Variants in PTPRG observed in about 807,000 individuals in gnomAD.
PTPRG encodes receptor-type tyrosine-protein phosphatase gamma.
In PTPRG, 102 loss-of-function variants were observed where a neutral mutation model predicts 165.3. The ratio of observed to expected loss-of-function variants is 0.62; its 90% CI spans 0.53 to 0.73. The LOEUF is 0.73. PTPRG is among the 30% of genes least tolerant of loss of function. The pLI is 0.00. For synonymous variants in PTPRG, 675 were observed against 669.5 expected, an observed-to-expected ratio of 1.01 and a Z score of -0.13; for missense variants, 1,866 against 1,861.4, an observed-to-expected ratio of 1.00 and a Z score of -0.05.
chr3:61,716,026 G>GGT (rs1376241194), intron 1 of PTPRG, among the ~76,000 whole-genome samples: 1 of 152,142 alleles, frequency 6.6e-6, no homozygotes, highest in Non-Finnish European at 1.5e-5. Context: ...GGTCTCCTGT[G>GGT]GTGAGGGTGC....
intron 6 of PTPRG, among the ~76,000 whole-genome samples, chr3:62,149,678 A>G (rs1218853793): frequency 6.6e-6 from 1 of 152,134 alleles, no homozygotes; most frequent in Non-Finnish European, 1.5e-5. Flanking sequence ...TGTGTTTGGC[A>G]GGCCCTCCTG....
At chr3:61,988,707 C>T (rs1192147022) in intron 2 of PTPRG, among the ~76,000 whole-genome samples, 1 of 152,134 alleles carries the variant, frequency 6.6e-6, no homozygotes, top group Non-Finnish European at 1.5e-5. Flanking sequence ...CAGTCTTAAT[C>T]TTTCCAGTAA....
chr3:61,703,154 T>C (rs1253930685), intron 1 of PTPRG, among the ~76,000 whole-genome samples: 1 of 152,142 alleles, frequency 6.6e-6, no homozygotes, highest in Non-Finnish European at 1.5e-5. Context: ...GAATCTTTTT[T>C]TTTTTTTTCC....
Position 62,132,585 on chromosome 3 carries a change from G to A in PTPRG, c.616-17G>A, listed in dbSNP as rs1473498852. The A allele has an allele frequency of 1.9e-6, 3 of 1,582,352 alleles. No individual in the cohort carries two copies. The highest frequency in any genetic ancestry group is 2.2e-5 in the East Asian group (1 of 44,714). Reference sequence around the variant, plus strand: ...TGCCAGAATAGATTTAACCAATCATGTTTCCTTTACATTTAGGTCAGTCCG... The same window carrying A: ...TGCCAGAATAGATTTAACCAATCATATTTCCTTTACATTTAGGTCAGTCCG... On this transcript the variant is annotated splice_polypyrimidine_tract_variant and intron_variant, in intron 5 of 29. Transcript: ENST00000474889.
intron 4 of PTPRG, among the ~76,000 whole-genome samples, chr3:62,066,066 T>C (rs1021429157): frequency 6.6e-6 from 1 of 152,204 alleles, no homozygotes; most frequent in African/African-American, 2.4e-5. Flanking sequence ...GCATAACTTG[T>C]CTTTGTGACA....
intron 1 of PTPRG, among the ~76,000 whole-genome samples, chr3:61,733,851 G>C (rs1476091690): frequency 2.0e-5 from 3 of 152,182 alleles, no homozygotes; most frequent in Admixed American, 1.3e-4. Flanking sequence ...AGGCTGGAAT[G>C]CAGTGGTGTA....
chr3:61,993,419 A>G (rs926694821), intron 3 of PTPRG, among the ~76,000 whole-genome samples: 1 of 151,918 alleles, frequency 6.6e-6, no homozygotes, highest in Non-Finnish European at 1.5e-5. Context: ...GGGTTGCTCC[A>G]TGTTGGTCAG....
chr3:61,587,248 G>C (rs1474576653), intron 1 of PTPRG, among the ~76,000 whole-genome samples: 1 of 152,150 alleles, frequency 6.6e-6, no homozygotes, highest in Non-Finnish European at 1.5e-5. Context: ...TCCTTAAATT[G>C]TTAAATTTTG....
intron 1 of PTPRG, among the ~76,000 whole-genome samples, chr3:61,620,303 C>A (rs573447937): frequency 6.6e-6 from 1 of 152,046 alleles, no homozygotes; most frequent in African/African-American, 2.4e-5. Context: ...TACGTGTTGG[C>A]AGTAATCTTT....
intron 2 of PTPRG, among the ~76,000 whole-genome samples, chr3:61,915,539 T>G (rs1358207665): frequency 1.3e-5 from 2 of 152,202 alleles, no homozygotes; most frequent in Non-Finnish European, 2.9e-5. Context: ...TATATCTTAT[T>G]TGTCATCATC....
intron 5 of PTPRG, among the ~76,000 whole-genome samples, chr3:62,112,395 C>G (rs1056080477): frequency 6.6e-6 from 1 of 152,238 alleles, no homozygotes; most frequent in Admixed American, 6.5e-5. Context: ...TGAGCCATCC[C>G]GCCCTGCCAG....
chr3:62,073,961 T>A (rs1045216811), intron 4 of PTPRG, among the ~76,000 whole-genome samples: 3 of 152,194 alleles, frequency 2.0e-5, no homozygotes, highest in African/African-American at 7.2e-5. Context: ...CAGAAAATGA[T>A]CTGTAATGGA....
intron 2 of PTPRG, among the ~76,000 whole-genome samples, chr3:61,763,448 C>A (rs1023637896): frequency 6.6e-6 from 1 of 151,964 alleles, no homozygotes; most frequent in Non-Finnish European, 1.5e-5. Context: ...TCTGCCACTA[C>A]AGCACCTCCC....
At chr3:62,080,383 G>C (rs1297196314) in intron 5 of PTPRG, among the ~76,000 whole-genome samples, 1 of 151,908 alleles carries the variant, frequency 6.6e-6, no homozygotes, top group Non-Finnish European at 1.5e-5. Flanking sequence ...GCCCCCTTCT[G>C]TTCTTAAACT....
intron 7 of PTPRG, among the ~76,000 whole-genome samples, chr3:62,162,694 G>A (rs1425143014): frequency 6.6e-6 from 1 of 152,216 alleles, no homozygotes; most frequent in African/African-American, 2.4e-5. Context: ...ATGGCCTTGA[G>A]GTTAGCTAAA....
At chr3:61,889,357 T>G (rs1250604326) in intron 2 of PTPRG, among the ~76,000 whole-genome samples, 1 of 152,230 alleles carries the variant, frequency 6.6e-6, no homozygotes, top group African/African-American at 2.4e-5. Context: ...ATATTACTAT[T>G]GTTATTTTGC....
At chr3:61,993,125 T>C (rs1270086095) in intron 3 of PTPRG, among the ~76,000 whole-genome samples, 1 of 152,152 alleles carries the variant, frequency 6.6e-6, no homozygotes, top group Non-Finnish European at 1.5e-5. Context: ...ATTTCCACAT[T>C]GAATAATATT....
At position 62,087,220 on chromosome 3, in the gene PTPRG, C is replaced by T. The variant is rs1575986386; in HGVS notation, c.615+8962C>T. The stretch of plus-strand genomic sequence containing the variant: ...AAAGGTTAAGTGATTGACCGTGGTC[C>T]CCTAGCTCTTTGCAGTCTGCCAAGC... On this transcript the variant is annotated intron_variant, in intron 5 of 29. Coordinates refer to ENST00000474889, the MANE Select transcript of PTPRG (RefSeq NM_002841.4). 1.3e-5 allele frequency among the ~76,000 whole-genome samples: 2 copies of T among 152,236 alleles called. 1 individual carries two copies. The highest frequency in any genetic ancestry group is 4.2e-4 in the South Asian group (2 of 4,812).
At chr3:62,044,782 A>G (rs898694847) in intron 4 of PTPRG, among the ~76,000 whole-genome samples, 2 of 152,282 alleles carry the variant, frequency 1.3e-5, no homozygotes, top group South Asian at 2.1e-4. Flanking sequence ...TCTTCCATTA[A>G]GCTTCCTCTT....
Sources: gnomAD v4.1 joint callset for allele counts (sites outside exome capture counted in the v4.1 genomes callset) on GRCh38, gnomAD v4.1.1 for gene constraint, MANE v1.5 for transcripts, NCBI Gene and HGNC (gene_info 2026-07-23, HGNC 2026-07-21) for gene names.